NSMCE1: variants seen among roughly 807,000 people sequenced by gnomAD.
NSMCE1 encodes NSE1 component of SMC5/6 complex.
NSMCE1 carries 18 observed loss-of-function variants against 29.6 expected under a neutral mutation model. The ratio of observed to expected loss-of-function variants is 0.61; its 90% CI spans 0.42 to 0.90. The LOEUF (loss-of-function observed/expected upper bound fraction) is 0.90. NSMCE1 is among the 40% of genes least tolerant of loss of function. The probability of loss-of-function intolerance (pLI) is 0.00; values close to 1 mark genes in which losing one functional copy is unlikely to be tolerated. For synonymous variants in NSMCE1, 124 were observed against 133.4 expected, an observed-to-expected ratio of 0.93 and a Z score of 0.49; for missense variants, 314 against 343.6, an observed-to-expected ratio of 0.91 and a Z score of 0.68.
At chr16:27,230,584 T>G (rs2140987672) in intron 5 of NSMCE1, 1 of 152,496 alleles carries the variant, frequency 6.6e-6, no homozygotes, top group South Asian at 2.1e-4. Flanking sequence ...AACGAGAAGC[T>G]GCTCACCACA....
intron 2 of NSMCE1, among the ~76,000 whole-genome samples, chr16:27,240,511 A>G (rs2095304532): frequency 6.6e-6 from 1 of 152,146 alleles, no homozygotes; most frequent in South Asian, 2.1e-4. Context: ...CCCAGCCCTG[A>G]GCACTGGGCC....
At chr16:27,234,694 C>T (rs545619251) in intron 3 of NSMCE1, among the ~76,000 whole-genome samples, 1 of 152,196 alleles carries the variant, frequency 6.6e-6, no homozygotes, top group African/African-American at 2.4e-5. Context: ...TAGAGTGCCC[C>T]TTTCTGAGTG....
chr16:27,231,073 A>T (rs1486821163), intron 5 of NSMCE1, among the ~76,000 whole-genome samples: 1 of 152,248 alleles, frequency 6.6e-6, no homozygotes, highest in African/African-American at 2.4e-5. Context: ...AGTGTTGTGT[A>T]CTGGGATGTT....
intron 2 of NSMCE1, among the ~76,000 whole-genome samples, chr16:27,239,185 C>T (rs34722339): frequency 0.31 from 46,447 of 152,096 alleles, 7,328 homozygotes; most frequent in East Asian, 0.47. Flanking sequence ...ACATTCCTTT[C>T]TAAGTTGACC....
intron 2 of NSMCE1, among the ~76,000 whole-genome samples, chr16:27,236,360 A>C (rs145620887): frequency 0.028 from 3,874 of 140,738 alleles, 197 homozygotes; most frequent in African/African-American, 0.099. Context: ...GCAGTAGCAC[A>C]GTCTTGGCTC....
chr16:27,256,820 A>G (rs1387939908), intron 2 of NSMCE1, among the ~76,000 whole-genome samples: 1 of 152,204 alleles, frequency 6.6e-6, no homozygotes, highest in Non-Finnish European at 1.5e-5. Context: ...GGCCCAGTCT[A>G]AGGCTGTGCC....
chr16:27,257,636 C>T (rs955481993), intron 1 of NSMCE1, 55 bp from the exon 2 acceptor site: 6 of 1,445,096 alleles, frequency 4.2e-6, no homozygotes, highest in Non-Finnish European at 5.6e-6. Flanking sequence ...AAGCAACGTC[C>T]TGGGTCTTGT....
chr16:27,251,403 T>C (rs1338708811), intron 2 of NSMCE1, among the ~76,000 whole-genome samples: 2 of 151,946 alleles, frequency 1.3e-5, no homozygotes. Flanking sequence ...TAGCTTAATA[T>C]GGTGAATTAC....
chr16:27,257,567 G>A lies in NSMCE1; in HGVS notation c.4C>T (p.Gln2Ter). The change falls in exon 2 of 8, where the codon CAG (glutamine) becomes TAG (stop). Residue 2 changes from glutamine to a stop codon, truncating the protein, a stop_gained. Coordinates refer to ENST00000361439, the MANE Select transcript of NSMCE1 (RefSeq NM_145080.4). LOFTEE classifies it high-confidence loss of function. M[Q>*]GSTRRMGVMT... ...ACGCCCATTCTCCTTGTGCTGCCCT[G>A]CATGTGGGAACGAACTGAAAAGGAA... The A allele has an allele frequency of 6.2e-7, 1 of 1,610,628 alleles. No individual in the cohort carries two copies. The highest frequency in any genetic ancestry group is 8.5e-7 in the Non-Finnish European group (1 of 1,178,514).
chr16:27,265,864 T>C (rs1455927353), intron 1 of NSMCE1, among the ~76,000 whole-genome samples: 1 of 152,136 alleles, frequency 6.6e-6, no homozygotes, highest in Admixed American at 6.5e-5. Flanking sequence ...CACACATACA[T>C]GGTAAAAACT....
chr16:27,252,186 A>G (rs1437369896), intron 2 of NSMCE1, among the ~76,000 whole-genome samples: 6 of 152,326 alleles, frequency 3.9e-5, no homozygotes, highest in South Asian at 2.1e-4. Context: ...CTAATGAGGC[A>G]ACTCTTGGCA....
intron 1 of NSMCE1, among the ~76,000 whole-genome samples, chr16:27,263,713 TG>T (rs773345071): frequency 6.6e-6 from 1 of 152,216 alleles, no homozygotes; most frequent in Non-Finnish European, 1.5e-5. Flanking sequence ...AAAAAGCATA[TG>T]ATCATCTTAA....
chr16:27,225,695 C>T, intron 7 of NSMCE1, 31 bp downstream of exon 7: 1 of 1,613,116 alleles, frequency 6.2e-7, no homozygotes, highest in Non-Finnish European at 8.5e-7. Flanking sequence ...CTGGCCCAGC[C>T]CCTCCCATGA....
intron 1 of NSMCE1, among the ~76,000 whole-genome samples, chr16:27,265,756 T>A (rs779325686): frequency 3.8e-4 from 58 of 152,216 alleles, no homozygotes; most frequent in Non-Finnish European, 7.8e-4. Context: ...AGAAAGATAA[T>A]GTTAAGTGCA....
At position 27,225,170 on chromosome 16, in the gene NSMCE1, G is replaced by A. The variant is rs1433715944; in HGVS notation, c.788C>T (p.Ser263Phe). ...VLKSNKKSLR[S>F]RQH ...AGGGCACGATGGCTAATGCTGCCTG[G>A]ACCGCAGGGACTTTTTGTTCGATTT... Residue 263 changes from serine (S) to phenylalanine (F), a missense_variant, in exon 8 of 8, where the codon TCC becomes TTC. Transcript: ENST00000361439. The A allele has an allele frequency of 6.2e-7, 1 of 1,601,050 alleles. No homozygotes were observed. Among genetic ancestry groups the A allele is most frequent in the African/African-American group, 1.3e-5 (1 of 74,752 alleles).
At chr16:27,262,407 T>C (rs1355734105) in intron 1 of NSMCE1, among the ~76,000 whole-genome samples, 1 of 151,940 alleles carries the variant, frequency 6.6e-6, no homozygotes, top group Non-Finnish European at 1.5e-5. Context: ...CATACACCAA[T>C]GGAACAGAAT....
chr16:27,235,306 A>G lies in NSMCE1; in HGVS notation c.137-7T>C, dbSNP rs2083808095. On this transcript the variant is annotated splice_polypyrimidine_tract_variant and splice_region_variant and intron_variant, in intron 2 of 7. Coordinates refer to ENST00000361439, the MANE Select transcript of NSMCE1 (RefSeq NM_145080.4). ...TTATCTACGGTGGCATTGCCTGGAA[A>G]TAAACAGACCAAAAAAAGGGGGGTG... is the stretch of plus-strand genomic sequence containing the variant. The G allele has an allele frequency of 6.2e-7, 1 of 1,612,824 alleles. No homozygotes were observed. Among genetic ancestry groups the G allele is most frequent in the Non-Finnish European group, 8.5e-7 (1 of 1,179,860 alleles).
intron 5 of NSMCE1, among the ~76,000 whole-genome samples, chr16:27,231,411 C>T (rs554427095): frequency 2.0e-5 from 3 of 152,146 alleles, no homozygotes; most frequent in East Asian, 1.9e-4. Context: ...CTGAGGCAGG[C>T]GGATCACCTG....
Position 27,233,029 on chromosome 16 carries a change from T to C in NSMCE1, c.455A>G (p.Lys152Arg). 1.2e-6 allele frequency: 2 copies of C among 1,614,198 alleles called. No individual in the cohort carries two copies. Among genetic ancestry groups the C allele is most frequent in the Non-Finnish European group, 1.7e-6 (2 of 1,180,014 alleles). Residue 152 changes from lysine (K) to arginine (R), a missense_variant, in exon 5 of 8, where the codon AAG becomes AGG. Transcript: ENST00000361439. ...RKKEAEQVLQ[K>R]FVQNKWLIEK... ...AATCAGCCACTTGTTTTGAACAAAC[T>C]TCTGCAGCACCTGCTCCGCTTCCTT... is the stretch of plus-strand genomic sequence containing the variant.
Sources: gnomAD v4.1 joint callset for allele counts (sites outside exome capture counted in the v4.1 genomes callset) on GRCh38, gnomAD v4.1.1 for gene constraint, MANE v1.5 for transcripts, NCBI Gene and HGNC (gene_info 2026-07-23, HGNC 2026-07-21) for gene names.